The following MUC5B variants were observed in gnomAD, a reference collection of about 807,000 sequenced individuals.
MUC5B encodes the protein mucin 5B, oligomeric mucus/gel-forming, also known as mucin-5B.
In MUC5B, 116 loss-of-function variants were observed where a neutral mutation model predicts 376.9. That is an observed-to-expected ratio of 0.31 (90% CI 0.26 to 0.36). The LOEUF is 0.36. MUC5B is among the 10% of genes least tolerant of loss of function. The pLI is 1.00. For synonymous variants in MUC5B, 3,517 were observed against 3,390.9 expected, an observed-to-expected ratio of 1.04 and a Z score of -1.29; for missense variants, 7,165 against 7,769.9, an observed-to-expected ratio of 0.92 and a Z score of 2.93.
Position 1,242,958 on chromosome 11 carries a change from G to T in MUC5B, c.6078G>T (p.Thr2026=). Residue 2026 remains threonine (T), a synonymous_variant, in exon 31 of 49, where the codon ACG becomes ACT. Transcript: ENST00000529681. ...TAHTSTVLTA[T]ATTTGATGSV... ...ACACCTCCACAGTGCTTACCGCCAC[G>T]GCCACCACAACTGGGGCCACCGGCT... is the stretch of plus-strand genomic sequence containing the variant. 1 of 1,600,012 alleles carries T rather than the reference G, an allele frequency of 6.2e-7. No individual in the cohort carries two copies. The highest frequency in any genetic ancestry group is 1.1e-5 in the South Asian group (1 of 90,860).
Position 1,248,605 on chromosome 11 carries a change from G to A in MUC5B, c.11725G>A (p.Val3909Ile), listed in dbSNP as rs2943521. The A allele has an allele frequency of 0.44, 716,106 of 1,609,662 alleles. 163,161 individuals are homozygous for A. The highest frequency in any genetic ancestry group is 0.7 in the East Asian group (31,284 of 44,708). The part of the protein sequence containing the change: ...TSGSTVTPSS[V>I]PGTTHTPTVL... Reference sequence around the variant, plus strand: ...TGGCTCCACGGTGACCCCCTCCTCCGTCCCGGGGACCACCCACACCCCCAC... The same window carrying A: ...TGGCTCCACGGTGACCCCCTCCTCCATCCCGGGGACCACCCACACCCCCAC... Residue 3909 changes from valine (V) to isoleucine (I), a missense_variant, in exon 31 of 49, where the codon GTC (valine) becomes ATC (isoleucine). Val to Ile is a conservative substitution (Grantham distance 29). Coordinates refer to ENST00000529681, the MANE Select transcript of MUC5B (RefSeq NM_002458.3).
rs758453311 is a variant in MUC5B, at chr11:1,258,141, C to T, written c.16493C>T (p.Pro5498Leu). The change falls in exon 42 of 49, where the codon CCG (proline) becomes CTG (leucine). Residue 5498 changes from proline (P) to leucine (L), a missense_variant. This residue lies in a region of MUC5B where 842 missense variants were observed against 1,016.9 expected (regional missense o/e 0.83). Coordinates refer to ENST00000529681, the MANE Select transcript of MUC5B (RefSeq NM_002458.3). This position sits in a 1 kb window ranked among gnomAD's most constrained non-coding sequence, Gnocchi z 5.5. ...TGCCCCCAGAGCCTGCCTGTGTGCCCGCCAGGGCAGGAGTCCATCTGCACC... is the reference window on the plus strand; with the variant it reads ...TGCCCCCAGAGCCTGCCTGTGTGCCTGCCAGGGCAGGAGTCCATCTGCACC... ...TTCPQSLPVC[P>L]PGQESICTQE... is the part of the protein sequence containing the mutation. The T allele has an allele frequency of 5.0e-6, 8 of 1,600,394 alleles. No homozygotes were observed. Among genetic ancestry groups the T allele is most frequent in the East Asian group, 2.2e-5 (1 of 44,480 alleles).
At chr11:1,230,713 C>A in intron 12 of MUC5B, 113 bp downstream of exon 12, 1 of 1,015,134 alleles carries the variant, frequency 9.9e-7, no homozygotes, top group Non-Finnish European at 1.4e-6. Flanking sequence ...CCCCCTCCAG[C>A]CCCCAGGCCA....
Position 1,252,338 on chromosome 11 carries a change from C to A in MUC5B, c.14864-5C>A. 1.3e-6 allele frequency: 2 copies of A among 1,542,398 alleles called. No individual in the cohort carries two copies. The highest frequency in any genetic ancestry group is 2.3e-5 in the East Asian group (1 of 43,742). On this transcript the variant is annotated splice_polypyrimidine_tract_variant and splice_region_variant and intron_variant, in intron 31 of 48. Coordinates refer to ENST00000529681, the MANE Select transcript of MUC5B (RefSeq NM_002458.3). ...CTTATCTTTCTATGGTGTTGTTCTT[C>A]ACAGGGGAAGTCATCTACAATAAGA...
chr11:1,233,369 T>A (rs2672806), intron 18 of MUC5B, 101 bp downstream of exon 18: 1 of 1,316,876 alleles, frequency 7.6e-7, no homozygotes, highest in Non-Finnish European at 1.0e-6. Flanking sequence ...TTCTGAGACA[T>A]GAGGGGCCAG....
chr11:1,257,016 T>TG lies in MUC5B; in HGVS notation c.16238-223dup, dbSNP rs968615820. On this transcript the variant is annotated intron_variant, in intron 39 of 48. Transcript: ENST00000529681. This position sits in a 1 kb window ranked among gnomAD's most constrained non-coding sequence, Gnocchi z 8.9. ...AGTGATCCTGTGATGGTCCCTCCCC[T>TG]GAGCCCTGCCTCCCACCACCATGGA... is the stretch of plus-strand genomic sequence containing the variant. Among the ~76,000 whole-genome samples, 2 of 152,162 alleles carry TG rather than the reference T, an allele frequency of 1.3e-5. No individual in the cohort carries two copies. The highest frequency in any genetic ancestry group is 4.8e-5 in the African/African-American group (2 of 41,438).
rs1398450283 is a variant in MUC5B, at chr11:1,243,259, A to G, written c.6379A>G (p.Ser2127Gly). 6.4e-7 allele frequency: 1 copy of G among 1,555,380 alleles called. No individual in the cohort carries two copies. Among genetic ancestry groups the G allele is most frequent in the Non-Finnish European group, 8.7e-7 (1 of 1,149,666 alleles). ...MATPSSSTQT[S>G]GTPPSLTTTA... ...AACACCCTCCTCTAGCACACAGACC[A>G]GTGGTACTCCCCCATCACTGACCAC... is the stretch of plus-strand genomic sequence containing the variant. The change falls in exon 31 of 49, where the codon AGT becomes GGT. Residue 2127 changes from serine (S) to glycine (G), a missense_variant. Physicochemically the swap from Ser to Gly is moderately conservative, Grantham distance 56 (BLOSUM62 0). Coordinates refer to ENST00000529681, the MANE Select transcript of MUC5B (RefSeq NM_002458.3).
rs1367613014 is a variant in MUC5B, at chr11:1,259,773, A to T, written c.16731A>T (p.Arg5577Ser). Reference protein sequence around the residue: ...TTCPQGFEYKRVAGQCCGECV... With the variant: ...TTCPQGFEYKSVAGQCCGECV... ...CCCCACAGGGCTTTGAGTACAAGAG[A>T]GTGGCCGGGCAGTGCTGTGGGGAGT... The change falls in exon 45 of 49, where the codon AGA becomes AGT. Residue 5577 changes from arginine (R) to serine (S), a missense_variant. By Grantham distance (110) the Arg-to-Ser change is moderately radical. Transcript: ENST00000529681. 6.2e-7 allele frequency: 1 copy of T among 1,612,328 alleles called. No homozygotes were observed. Among genetic ancestry groups the T allele is most frequent in the South Asian group, 1.1e-5 (1 of 91,086 alleles).
In MUC5B at chr11:1,242,592, C is replaced by A. The variant is rs1333675036; in HGVS notation, c.5712C>A (p.Thr1904=). The change falls in exon 31 of 49, where the codon ACC becomes ACA. Residue 1904 remains threonine, a synonymous_variant. Coordinates refer to ENST00000529681, the MANE Select transcript of MUC5B (RefSeq NM_002458.3). ...CGCCCTCCTCAACTCCGGGGACGACCTGGATCCTCACAAAGCCGACCACAA... is the reference window on the plus strand; with the variant it reads ...CGCCCTCCTCAACTCCGGGGACGACATGGATCCTCACAAAGCCGACCACAA... ...TATPSSTPGT[T]WILTKPTTTA... The A allele has an allele frequency of 1.9e-6, 3 of 1,613,658 alleles. No homozygotes were observed. The South Asian group carries it at 3.3e-5, about 18-fold the overall frequency.
In MUC5B at chr11:1,238,926, C is replaced by A; in HGVS notation, c.3353C>A (p.Ser1118Ter). The change falls in exon 26 of 49, where the codon TCG becomes TAG. Residue 1118 changes from serine (S) to a stop codon, truncating the protein, a stop_gained. Transcript: ENST00000529681. LOFTEE classifies it high-confidence loss of function. ...ACVNDACACD[S>*]GGDCECFCTA... is the part of the protein sequence containing the mutation. ...GTGAACGACGCGTGTGCCTGCGACT[C>A]GGGTGGCGACTGCGAGTGTTTCTGC... is the stretch of plus-strand genomic sequence containing the variant. The A allele has an allele frequency of 6.4e-7, 1 of 1,572,564 alleles. No homozygotes were observed.
At position 1,242,413 on chromosome 11, in the gene MUC5B, C is replaced by G. The variant is rs1276977400; in HGVS notation, c.5533C>G (p.Gln1845Glu). ...CGAGGTAAGCATCGACCAGGTCGGG[C>G]AGGTGCTGACCTGCAGCCTGGAGAC... ...YPEVSIDQVG[Q>E]VLTCSLETGL... Residue 1845 changes from glutamine (Q) to glutamate (E), a missense_variant, in exon 31 of 49, where the codon CAG becomes GAG. Physicochemically the swap from Gln to Glu is conservative, Grantham distance 29. Coordinates refer to ENST00000529681, the MANE Select transcript of MUC5B (RefSeq NM_002458.3). 6.2e-7 allele frequency: 1 copy of G among 1,613,828 alleles called. No homozygotes were observed. Among genetic ancestry groups the G allele is most frequent in the African/African-American group, 1.3e-5 (1 of 74,988 alleles).
At position 1,241,205 on chromosome 11, in the gene MUC5B, C is replaced by G; in HGVS notation, c.4325C>G (p.Pro1442Arg). Residue 1442 changes from proline (P) to arginine (R), a missense_variant, in exon 31 of 49, where the codon CCT becomes CGT. This residue lies in a region of MUC5B where 517 missense variants were observed against 545.3 expected (regional missense o/e 0.95). Coordinates refer to ENST00000529681, the MANE Select transcript of MUC5B (RefSeq NM_002458.3). ...CGPSPAPGTSPQPSLSASTEP... is the reference protein window; with the variant it reads ...CGPSPAPGTSRQPSLSASTEP... The stretch of plus-strand genomic sequence containing the variant: ...CCCTCCCCGGCCCCAGGCACCAGCC[C>G]TCAGCCCTCCCTCAGTGCCAGCACG... 6.3e-7 allele frequency: 1 copy of G among 1,593,816 alleles called. No homozygotes were observed. The highest frequency in any genetic ancestry group is 1.3e-5 in the African/African-American group (1 of 74,462).
In MUC5B at chr11:1,224,608, C is replaced by A. The variant is rs531001208; in HGVS notation, c.71-1073C>A. On this transcript the variant is annotated intron_variant, in intron 1 of 48. Coordinates refer to ENST00000529681, the MANE Select transcript of MUC5B (RefSeq NM_002458.3). ...TGCTGGGGTGGGGAGGGGCTGCCTG[C>A]GGCGGGAGCCGGGGCGTGGGAGTGG... is the stretch of plus-strand genomic sequence containing the variant. Among the ~76,000 whole-genome samples, 23 of 146,362 alleles carry A rather than the reference C, an allele frequency of 1.6e-4. 1 individual carries two copies. In the East Asian group the frequency reaches 4.0e-3, roughly 26 times the overall value.
chr11:1,256,465 C>A, intron 38 of MUC5B: 2 of 488,562 alleles, frequency 4.1e-6, no homozygotes, highest in South Asian at 2.3e-5. Flanking sequence ...GCCACCGAGC[C>A]CCACCCATCC....
At chr11:1,230,258 G>C in intron 11 of MUC5B, 115 bp downstream of exon 11, 2 of 1,415,616 alleles carry the variant, frequency 1.4e-6, no homozygotes, top group Non-Finnish European at 1.9e-6. Context: ...CCCTGCTGAG[G>C]GGGGAGCCCT....
chr11:1,244,837 C>A lies in MUC5B; in HGVS notation c.7957C>A (p.Pro2653Thr), dbSNP rs375113885. ...RGSTVTPSSI[P>T]GTTHTPTVLT... ...TTCCACGGTGACCCCCTCCTCCATCCCGGGGACCACCCACACCCCCACAGT... is the reference window on the plus strand; with the variant it reads ...TTCCACGGTGACCCCCTCCTCCATCACGGGGACCACCCACACCCCCACAGT... The change falls in exon 31 of 49, where the codon CCG becomes ACG. Residue 2653 changes from proline to threonine, a missense_variant. Pro to Thr is a conservative substitution (Grantham distance 38). Around this residue, in one of 31 missense-constraint regions of MUC5B, gnomAD observed 141 missense variants for 111.2 expected, o/e 1.27. Transcript: ENST00000529681. 1.9e-6 allele frequency: 3 copies of A among 1,613,712 alleles called. No individual in the cohort carries two copies. The South Asian group carries it at 3.3e-5, about 18-fold the overall frequency.
chr11:1,241,475 A>C lies in MUC5B; in HGVS notation c.4595A>C (p.Lys1532Thr). The C allele has an allele frequency of 6.2e-7, 1 of 1,613,580 alleles. No individual in the cohort carries two copies. ...QLGGDVESYD[K>T]IRAAGGHLCQ... ...GGAGGGGACGTTGAGTCCTACGATA[A>C]GATCAGGGCCGCTGGAGGGCACTTA... The change falls in exon 31 of 49, where the codon AAG becomes ACG. Residue 1532 changes from lysine to threonine, a missense_variant. Physicochemically the swap from Lys to Thr is moderately conservative, Grantham distance 78 (BLOSUM62 -1). Coordinates refer to ENST00000529681, the MANE Select transcript of MUC5B (RefSeq NM_002458.3).
In MUC5B at chr11:1,244,614, A is replaced by T; in HGVS notation, c.7734A>T (p.Thr2578=). 6.2e-7 allele frequency: 1 copy of T among 1,613,432 alleles called. No individual in the cohort carries two copies. The highest frequency in any genetic ancestry group is 1.7e-5 in the Admixed American group (1 of 59,984). The part of the protein sequence containing the change: ...SSTPETVHTS[T]VLTTTATTTG... ...CTCCAGAGACTGTCCACACCTCCAC[A>T]GTGCTTACCACCACGGCCACCACAA... is the stretch of plus-strand genomic sequence containing the variant. Residue 2578 remains threonine, a synonymous_variant, in exon 31 of 49, where the codon ACA becomes ACT. Transcript: ENST00000529681.
Position 1,249,760 on chromosome 11 carries a change from T to A in MUC5B, c.12880T>A (p.Ser4294Thr), listed in dbSNP as rs768044587. Residue 4294 changes from serine to threonine, a missense_variant, in exon 31 of 49, where the codon TCC (serine) becomes ACC (threonine). Coordinates refer to ENST00000529681, the MANE Select transcript of MUC5B (RefSeq NM_002458.3). Reference sequence around the variant, plus strand: ...GGCCACCACACCCACAGCCACCAGTTCCAAAGCCACTTCCTCCTCCAGTCC... The same window carrying A: ...GGCCACCACACCCACAGCCACCAGTACCAAAGCCACTTCCTCCTCCAGTCC... ...SPATTPTATS[S>T]KATSSSSPRT... 1 of 1,611,154 alleles carries A rather than the reference T, an allele frequency of 6.2e-7. No homozygotes were observed. The highest frequency in any genetic ancestry group is 2.2e-5 in the East Asian group (1 of 44,704).
Sources: allele counts gnomAD v4.1 joint callset (sites outside exome capture counted in the v4.1 genomes callset), GRCh38; gene constraint gnomAD v4.1.1; regional missense constraint gnomAD v4.1.1; non-coding constraint Gnocchi (gnomAD v3.1); transcripts MANE v1.5; gene names NCBI Gene and HGNC (gene_info 2026-07-23, HGNC 2026-07-21).